The following CNTN1 variants were observed in gnomAD, a reference collection of about 807,000 sequenced individuals.
CNTN1 encodes contactin-1.
A neutral mutation model predicts 126.4 loss-of-function variants in CNTN1; 38 were observed. That is an observed-to-expected ratio of 0.30 (90% CI 0.23 to 0.39). The LOEUF is 0.39. Ranked by LOEUF, CNTN1 falls within the 10% of genes least tolerant of loss-of-function variation. The pLI is 1.00. For missense variants in CNTN1, 1,009 were observed against 1,248.4 expected (o/e 0.81, Z 2.89); for synonymous variants, 413 against 422.6 (o/e 0.98, Z 0.28).
intron 23 of CNTN1, among the ~76,000 whole-genome samples, chr12:41,043,042 A>G (rs1177646077): frequency 6.6e-6 from 1 of 152,194 alleles, no homozygotes; most frequent in Admixed American, 6.5e-5. Flanking sequence ...AAAACCATAA[A>G]AACCCTAGAA....
intron 1 of CNTN1, among the ~76,000 whole-genome samples, chr12:40,867,957 G>A (rs1305806897): frequency 6.6e-6 from 1 of 151,252 alleles, no homozygotes; most frequent in Non-Finnish European, 1.5e-5. Flanking sequence ...ACTGTGGTTA[G>A]AAACACCACT....
At chr12:41,019,847 G>A (rs189377959) in intron 19 of CNTN1, among the ~76,000 whole-genome samples, 3 of 151,904 alleles carry the variant, frequency 2.0e-5, no homozygotes, top group Admixed American at 1.3e-4. Flanking sequence ...CACACAAATA[G>A]CAAATAAGAG....
intron 15 of CNTN1, among the ~76,000 whole-genome samples, chr12:40,966,944 T>C (rs546775489): frequency 3.7e-4 from 57 of 152,278 alleles, no homozygotes; most frequent in African/African-American, 1.3e-3. Context: ...TTTTCTGCAA[T>C]TAATTACTCC....
At chr12:41,063,483 G>T (rs554967070) in intron 23 of CNTN1, among the ~76,000 whole-genome samples, 26 of 152,320 alleles carry the variant, frequency 1.7e-4, no homozygotes, top group Non-Finnish European at 3.1e-4. Context: ...TTCTCAACAT[G>T]CATTTATTTG....
intron 14 of CNTN1, among the ~76,000 whole-genome samples, chr12:40,958,638 C>T (rs888203931): frequency 3.9e-5 from 6 of 151,978 alleles, no homozygotes; most frequent in Non-Finnish European, 5.9e-5. Context: ...TACATTTTCT[C>T]AATTTCTGCA....
At chr12:40,855,610 G>A (rs926845545) in intron 1 of CNTN1, among the ~76,000 whole-genome samples, 2 of 151,860 alleles carry the variant, frequency 1.3e-5, no homozygotes, top group Admixed American at 6.6e-5. Flanking sequence ...TATTTTTCTA[G>A]AATGAGTTGT....
chr12:40,869,505 A>T (rs949598113), intron 1 of CNTN1, among the ~76,000 whole-genome samples: 5 of 152,068 alleles, frequency 3.3e-5, no homozygotes, highest in African/African-American at 1.2e-4. Flanking sequence ...CCTGTGCTCA[A>T]GCAGTCTGCC....
intron 17 of CNTN1, among the ~76,000 whole-genome samples, chr12:41,005,354 C>T (rs1411284734): frequency 6.6e-6 from 1 of 152,086 alleles, no homozygotes; most frequent in Non-Finnish European, 1.5e-5. Context: ...CTCTAGCTGT[C>T]TTTAGCATTT....
chr12:40,936,858 A>G lies in CNTN1; in HGVS notation c.1063A>G (p.Thr355Ala), dbSNP rs1946099368. The part of the protein sequence containing the change: ...GSDLYWPCVA[T>A]GKPIPTIRWL... ...TGATCTCTACTGGCCTTGTGTGGCCACAGGAAAGCCCATCCCTACAATCCG... is the reference window on the plus strand; with the variant it reads ...TGATCTCTACTGGCCTTGTGTGGCCGCAGGAAAGCCCATCCCTACAATCCG... Residue 355 changes from threonine to alanine, a missense_variant, in exon 10 of 24, where the codon ACA becomes GCA. Coordinates refer to ENST00000551295, the MANE Select transcript of CNTN1 (RefSeq NM_001843.4). The G allele has an allele frequency of 1.2e-6, 2 of 1,613,270 alleles. No homozygotes were observed. The highest frequency in any genetic ancestry group is 1.7e-6 in the Non-Finnish European group (2 of 1,179,492).
At chr12:41,066,118 A>C (rs1438600503) in intron 23 of CNTN1, among the ~76,000 whole-genome samples, 1 of 152,202 alleles carries the variant, frequency 6.6e-6, no homozygotes, top group Non-Finnish European at 1.5e-5. Context: ...GAAGAATAAA[A>C]AATAATGTCG....
chr12:40,904,630 A>T (rs1433306925), intron 1 of CNTN1, among the ~76,000 whole-genome samples: 1 of 151,364 alleles, frequency 6.6e-6, no homozygotes, highest in Admixed American at 6.6e-5. Flanking sequence ...GGGTTTCATT[A>T]TGTTGGCCAG....
chr12:40,843,140 A>G (rs776187576), intron 1 of CNTN1, among the ~76,000 whole-genome samples: 18 of 152,112 alleles, frequency 1.2e-4, no homozygotes, highest in Non-Finnish European at 2.6e-4. Flanking sequence ...AACATACCTG[A>G]TCCTAAGTCT....
chr12:41,004,081 T>A (rs1047100459), intron 17 of CNTN1, among the ~76,000 whole-genome samples: 2 of 152,212 alleles, frequency 1.3e-5, no homozygotes, highest in African/African-American at 2.4e-5. Flanking sequence ...GGGCATTTAG[T>A]GCTATGAATT....
intron 15 of CNTN1, among the ~76,000 whole-genome samples, chr12:40,959,513 G>A (rs1256270728): frequency 6.6e-6 from 1 of 152,060 alleles, no homozygotes; most frequent in African/African-American, 2.4e-5. Context: ...CTTACCAAAA[G>A]TTCTCGTTTC....
At chr12:40,816,017 A>T (rs986100929) in intron 1 of CNTN1, among the ~76,000 whole-genome samples, 4 of 152,088 alleles carry the variant, frequency 2.6e-5, no homozygotes, top group African/African-American at 9.7e-5. Context: ...GTCATGGTGG[A>T]TACGTTTTTT....
intron 6 of CNTN1, 35 bp downstream of exon 6, chr12:40,924,687 T>A: frequency 9.1e-7 from 1 of 1,101,148 alleles, no homozygotes; most frequent in Non-Finnish European, 1.4e-6. Context: ...TTAGCATCTA[T>A]GAAACAAAAT....
At chr12:40,966,818 C>T (rs1237169233) in intron 15 of CNTN1, among the ~76,000 whole-genome samples, 2 of 152,012 alleles carry the variant, frequency 1.3e-5, no homozygotes, top group African/African-American at 4.8e-5. Context: ...CTTACAAATT[C>T]AAAACTTAAA....
Position 40,751,155 on chromosome 12 carries a change from A to G in CNTN1, c.-77+58563A>G, listed in dbSNP as rs553669715. Among the ~76,000 whole-genome samples the G allele has an allele frequency of 7.3e-5, 11 of 151,024 alleles. No individual in the cohort carries two copies. In the East Asian group the frequency reaches 2.1e-3, roughly 29 times the overall value. On this transcript the variant is annotated intron_variant, in intron 1 of 23. Transcript: ENST00000551295. ...CCAAAAAGAGACCACTGCATTTTTT[A>G]AAGTTAGGAAGTTATTGATTATCTA...
intron 23 of CNTN1, among the ~76,000 whole-genome samples, chr12:41,043,600 A>G (rs1358977785): frequency 6.6e-6 from 1 of 152,148 alleles, no homozygotes; most frequent in African/African-American, 2.4e-5. Flanking sequence ...GCAATTCCTC[A>G]GGGGTCTAGA....
Sources: gnomAD v4.1 joint callset for allele counts (sites outside exome capture counted in the v4.1 genomes callset) on GRCh38, gnomAD v4.1.1 for gene constraint, MANE v1.5 for transcripts, NCBI Gene and HGNC (gene_info 2026-07-23, HGNC 2026-07-21) for gene names.